Variants in SLC1A2 observed in about 807,000 individuals in gnomAD.
SLC1A2 encodes excitatory amino acid transporter 2.
A neutral mutation model predicts 48.8 loss-of-function variants in SLC1A2; 15 were observed. The ratio of observed to expected loss-of-function variants is 0.31; its 90% confidence interval spans 0.21 to 0.47. SLC1A2 has a LOEUF of 0.47. Ranked by LOEUF, SLC1A2 falls within the 20% of genes least tolerant of loss-of-function variation. SLC1A2 has a pLI of 0.99. For synonymous variants in SLC1A2, 279 were observed against 272.6 expected (o/e 1.02, Z -0.23); for missense variants, 502 against 730.5 (o/e 0.69, Z 3.61).
At chr11:35,349,800 A>G (rs1853176631) in intron 1 of SLC1A2, among the ~76,000 whole-genome samples, 1 of 152,180 alleles carries the variant, frequency 6.6e-6, no homozygotes, top group South Asian at 2.1e-4. Flanking sequence ...AGCGGGGAAC[A>G]CACAGTCTTT....
At chr11:35,394,766 C>A (rs1418072063) in intron 1 of SLC1A2, among the ~76,000 whole-genome samples, 1 of 152,170 alleles carries the variant, frequency 6.6e-6, no homozygotes. Flanking sequence ...TGCTGAGTCC[C>A]ATTTCTGTTG....
chr11:35,340,757 T>A (rs1279934406), intron 1 of SLC1A2, among the ~76,000 whole-genome samples: 2 of 152,208 alleles, frequency 1.3e-5, no homozygotes, highest in African/African-American at 4.8e-5. Context: ...ATTTATTGAT[T>A]GAAAGAGACA....
At chr11:35,376,206 C>A (rs537791857) in intron 1 of SLC1A2, among the ~76,000 whole-genome samples, 232 of 146,790 alleles carry the variant, frequency 1.6e-3, no homozygotes, top group Middle Eastern at 3.5e-3. Context: ...AAAAAAAAAA[C>A]CCTCTTTGAA....
intron 1 of SLC1A2, among the ~76,000 whole-genome samples, chr11:35,323,804 G>A (rs1198092343): frequency 4.6e-5 from 7 of 152,164 alleles, no homozygotes; most frequent in Non-Finnish European, 8.8e-5. Flanking sequence ...TATCTGTTAC[G>A]GAAGCATGTT....
chr11:35,418,155 C>A (rs936772452), intron 1 of SLC1A2, among the ~76,000 whole-genome samples: 1 of 152,166 alleles, frequency 6.6e-6, no homozygotes, highest in East Asian at 1.9e-4. Flanking sequence ...TCAAAGAATC[C>A]TTTTGCCCCC....
At chr11:35,330,688 AGAAC>A (rs1852397942) in intron 1 of SLC1A2, among the ~76,000 whole-genome samples, 1 of 152,218 alleles carries the variant, frequency 6.6e-6, no homozygotes, top group East Asian at 1.9e-4. Flanking sequence ...CAGAAAAGAA[AGAAC>A]TGAAGGATGG....
rs376593061 is a variant in SLC1A2 at position 35,301,530 on chromosome 11, G to T, written c.846C>A (p.Ile282=). 2 of 1,613,574 alleles carry T rather than the reference G, an allele frequency of 1.2e-6. No individual in the cohort carries two copies. Among genetic ancestry groups the T allele is most frequent in the South Asian group, 1.1e-5 (1 of 91,036 alleles). The part of the protein sequence containing the change: ...ILNEIVMKLV[I]MIMWYSPLGI... Reference sequence around the variant, plus strand: ...ACAAGGCCACTTACCACATGATCATGATCACTAACTTCATTACAATCTCAT... The same window carrying T: ...ACAAGGCCACTTACCACATGATCATTATCACTAACTTCATTACAATCTCAT... Residue 282 remains isoleucine, a synonymous_variant, in exon 6 of 11, where the codon ATC becomes ATA. Transcript: ENST00000278379.
chr11:35,408,756 T>C (rs1415164878), intron 1 of SLC1A2, among the ~76,000 whole-genome samples: 2 of 152,240 alleles, frequency 1.3e-5, no homozygotes, highest in African/African-American at 4.8e-5. Flanking sequence ...AGTGAATCAT[T>C]CACACTCTTT....
intron 4 of SLC1A2, among the ~76,000 whole-genome samples, chr11:35,311,236 T>A (rs1236505524): frequency 6.6e-6 from 1 of 152,180 alleles, no homozygotes; most frequent in Non-Finnish European, 1.5e-5. Flanking sequence ...CTCTGCTCAC[T>A]GCAATCTCTG....
Position 35,403,375 on chromosome 11 carries a change from T to C in SLC1A2, c.17+15575A>G, listed in dbSNP as rs1433149155. 5.9e-5 allele frequency among the ~76,000 whole-genome samples: 9 copies of C among 152,330 alleles called. No homozygotes were observed. In the East Asian group the frequency reaches 1.7e-3, roughly 29 times the overall value. ...TCAGAAGCTGTTTTATGAAAGTATCTCCTTATGAGAATATTCTAGTGCACT... is the reference window on the plus strand; with the variant it reads ...TCAGAAGCTGTTTTATGAAAGTATCCCCTTATGAGAATATTCTAGTGCACT... On this transcript the variant is annotated intron_variant, in intron 1 of 10. Transcript: ENST00000278379.
intron 1 of SLC1A2, among the ~76,000 whole-genome samples, chr11:35,322,275 C>CG (rs1852097539): frequency 6.6e-6 from 1 of 151,954 alleles, no homozygotes; most frequent in Non-Finnish European, 1.5e-5. Flanking sequence ...CAGAAGGGAA[C>CG]GTGTAATGGG....
intron 1 of SLC1A2, among the ~76,000 whole-genome samples, chr11:35,385,895 C>T (rs754251068): frequency 7.9e-5 from 12 of 152,250 alleles, no homozygotes; most frequent in Non-Finnish European, 1.8e-4. Flanking sequence ...TGGCCCGGCG[C>T]GGTGGCTCAA....
intron 1 of SLC1A2, among the ~76,000 whole-genome samples, chr11:35,353,659 C>A (rs1404952879): frequency 1.3e-5 from 2 of 152,178 alleles, no homozygotes; most frequent in Admixed American, 6.5e-5. Context: ...TGATCCTTGG[C>A]AAATATCCCT....
At chr11:35,411,639 A>G (rs571483024) in intron 1 of SLC1A2, among the ~76,000 whole-genome samples, 4 of 152,176 alleles carry the variant, frequency 2.6e-5, no homozygotes, top group Admixed American at 1.3e-4. Flanking sequence ...CTTTTAAGTA[A>G]AGATTGAGAT....
intron 1 of SLC1A2, among the ~76,000 whole-genome samples, chr11:35,319,067 A>C (rs1851974915): frequency 6.6e-6 from 1 of 152,230 alleles, no homozygotes; most frequent in Admixed American, 6.5e-5. Flanking sequence ...TCATCTAGTT[A>C]ATTTCTGAGG....
intron 1 of SLC1A2, among the ~76,000 whole-genome samples, chr11:35,335,863 A>T (rs1016025898): frequency 1.3e-5 from 2 of 152,204 alleles, no homozygotes; most frequent in African/African-American, 2.4e-5. Context: ...TAAAATTTTT[A>T]AAAAATTAAA....
At chr11:35,266,528 A>G (rs935641061) in intron 9 of SLC1A2, among the ~76,000 whole-genome samples, 3 of 152,240 alleles carry the variant, frequency 2.0e-5, no homozygotes, top group Non-Finnish European at 2.9e-5. Flanking sequence ...ACTTGAAAAA[A>G]GAATGGTTGA....
In SLC1A2 at chr11:35,306,056, G is replaced by A. The variant is rs1328025823; in HGVS notation, c.730+18C>T. The stretch of plus-strand genomic sequence containing the variant: ...CCATTGCCAGGGAAGCAGAATCCCG[G>A]ACCACCAGCTGGCCTACCTAAGACG... On this transcript the variant is annotated intron_variant, in intron 5 of 10. Coordinates refer to ENST00000278379, the MANE Select transcript of SLC1A2 (RefSeq NM_004171.4). The A allele has an allele frequency of 6.2e-7, 1 of 1,611,118 alleles. No homozygotes were observed. Among genetic ancestry groups the A allele is most frequent in the Non-Finnish European group, 8.5e-7 (1 of 1,178,072 alleles).
intron 7 of SLC1A2, among the ~76,000 whole-genome samples, chr11:35,289,089 CT>C (rs1850913519): frequency 6.6e-6 from 1 of 152,170 alleles, no homozygotes; most frequent in Admixed American, 6.5e-5. Context: ...TGAAATGCTT[CT>C]TTTGTTTTTT....
Sources: gnomAD v4.1 joint callset for allele counts (sites outside exome capture counted in the v4.1 genomes callset) on GRCh38, gnomAD v4.1.1 for gene constraint, MANE v1.5 for transcripts, NCBI Gene and HGNC (gene_info 2026-07-23, HGNC 2026-07-21) for gene names.